PRR5: variants seen among roughly 807,000 people sequenced by gnomAD.
PRR5 encodes proline rich 5, also known as proline-rich protein 5.
A neutral mutation model predicts 30.6 loss-of-function variants in PRR5; 25 were observed. The observed-to-expected ratio is 0.82, with a 90% CI of 0.60 to 1.14. PRR5 has a LOEUF of 1.14. PRR5 is among the 50% of genes most tolerant of loss of function. PRR5 has a pLI of 0.00. For synonymous variants in PRR5, 286 were observed against 247.1 expected, an observed-to-expected ratio of 1.16 and a Z score of -1.48; for missense variants, 600 against 547.1, an observed-to-expected ratio of 1.10 and a Z score of -0.96.
chr22:44,693,118 T>C (rs1354560325), intron 1 of PRR5, among the ~76,000 whole-genome samples: 1 of 152,142 alleles, frequency 6.6e-6, no homozygotes, highest in African/African-American at 2.4e-5. Context: ...AACGTATTTG[T>C]GTCCTGGGCC....
upstream of PRR5, among the ~76,000 whole-genome samples, chr22:44,698,369 A>G (rs561142199): frequency 6.0e-5 from 9 of 149,142 alleles, no homozygotes; most frequent in Admixed American, 1.3e-4. Context: ...TCTGGAGCAG[A>G]GGTGGCTCTG....
At chr22:44,711,002 C>T (rs911046767) in intron 1 of PRR5, among the ~76,000 whole-genome samples, 3 of 150,184 alleles carry the variant, frequency 2.0e-5, no homozygotes, top group Non-Finnish European at 3.0e-5. Flanking sequence ...GGTGGTAACT[C>T]GGCCGAGTTA....
chr22:44,715,513 A>C (rs1569093583), intron 2 of PRR5, among the ~76,000 whole-genome samples: 1 of 152,068 alleles, frequency 6.6e-6, no homozygotes, highest in Non-Finnish European at 1.5e-5. Flanking sequence ...GGCCCAATAC[A>C]TGCCGCTTGT....
chr22:44,712,154 G>A (rs762010634), intron 1 of PRR5, among the ~76,000 whole-genome samples: 11 of 152,126 alleles, frequency 7.2e-5, no homozygotes, highest in Non-Finnish European at 1.3e-4. Context: ...GCGCTCTCAC[G>A]ATTCCTGATT....
At chr22:44,708,795 C>T (rs925000091) in intron 1 of PRR5, among the ~76,000 whole-genome samples, 1 of 151,684 alleles carries the variant, frequency 6.6e-6, no homozygotes, top group Admixed American at 6.6e-5. Flanking sequence ...GGTGAAACCC[C>T]GTCTCTACTA....
intron 2 of PRR5, among the ~76,000 whole-genome samples, chr22:44,721,496 C>T (rs1444952162): frequency 6.6e-6 from 1 of 152,170 alleles, no homozygotes; most frequent in Non-Finnish European, 1.5e-5. Flanking sequence ...GAAGACTTGG[C>T]CCAACCAATT....
intron 1 of PRR5, among the ~76,000 whole-genome samples, chr22:44,682,412 C>T (rs188912891): frequency 2.0e-5 from 3 of 152,318 alleles, no homozygotes; most frequent in East Asian, 1.9e-4. Context: ...CACCTTCCAC[C>T]GTGGCTGTCA....
intron 1 of PRR5, among the ~76,000 whole-genome samples, chr22:44,704,451 CAG>C (rs1601999380): frequency 6.6e-6 from 1 of 152,158 alleles, no homozygotes; most frequent in Admixed American, 6.5e-5. Context: ...AGGGAGGCCT[CAG>C]GGGGACTCTG....
intron 1 of PRR5, among the ~76,000 whole-genome samples, chr22:44,686,264 GA>G (rs147571474): frequency 0.24 from 35,969 of 151,458 alleles, 4,421 homozygotes; most frequent in South Asian, 0.33. Flanking sequence ...AAAAAGAAAA[GA>G]AAAAGAAGTT....
chr22:44,708,096 A>G (rs1927523515), intron 1 of PRR5, among the ~76,000 whole-genome samples: 1 of 152,062 alleles, frequency 6.6e-6, no homozygotes, highest in Non-Finnish European at 1.5e-5. Flanking sequence ...CTACTTTGGG[A>G]CGTTGAGGCA....
At chr22:44,731,896 G>T in intron 5 of PRR5, 75 bp downstream of exon 5, 1 of 1,463,992 alleles carries the variant, frequency 6.8e-7, no homozygotes, top group Non-Finnish European at 9.3e-7. Flanking sequence ...TACAGAGGGG[G>T]GCCGCCAGGC....
chr22:44,696,578 TG>T (rs1925764738), intron 1 of PRR5, among the ~76,000 whole-genome samples: 1 of 152,114 alleles, frequency 6.6e-6, no homozygotes, highest in African/African-American at 2.4e-5. Flanking sequence ...GCACGTGTCT[TG>T]GGTGCACAGA....
intron 2 of PRR5, among the ~76,000 whole-genome samples, chr22:44,724,958 C>T (rs184950947): frequency 2.0e-5 from 3 of 152,282 alleles, no homozygotes; most frequent in Non-Finnish European, 2.9e-5. Flanking sequence ...GTGTGAGACG[C>T]AGAGGCCACT....
At chr22:44,729,408 G>A in intron 4 of PRR5, 2 of 985,126 alleles carry the variant, frequency 2.0e-6, no homozygotes, top group Non-Finnish European at 2.4e-6. Context: ...AGCCAGCACG[G>A]AGCCAAGGCT....
chr22:44,717,189 CTTTTTTT>C (rs57193514), intron 2 of PRR5, among the ~76,000 whole-genome samples: 1 of 116,756 alleles, frequency 8.6e-6, no homozygotes, highest in Non-Finnish European at 1.7e-5. Context: ...CCCCCTTACC[CTTTTTTT>C]TTTTTTTTTT....
intron 1 of PRR5, among the ~76,000 whole-genome samples, chr22:44,689,164 A>T (rs1176542768): frequency 1.3e-5 from 2 of 152,084 alleles, no homozygotes; most frequent in Non-Finnish European, 2.9e-5. Flanking sequence ...CAGCTTCTTG[A>T]TCTTCATGTG....
At position 44,737,219 on chromosome 22, in the gene PRR5, G is replaced by A; in HGVS notation, c.1139G>A (p.Gly380Asp). ...GRGSGMSDLE[G>D]SGGRQSVV ...GGCTCTGGCATGTCCGACTTGGAGG[G>A]CTCTGGGGGCCGGCAGAGTGTCGTG... is the stretch of plus-strand genomic sequence containing the variant. The change falls in exon 8 of 8, where the codon GGC (glycine) becomes GAC (aspartate). Residue 380 changes from glycine (G) to aspartate (D), a missense_variant. Physicochemically the swap from Gly to Asp is moderately conservative, Grantham distance 94 (BLOSUM62 -1). Coordinates refer to ENST00000336985, the MANE Select transcript of PRR5 (RefSeq NM_181333.4). 6.2e-7 allele frequency: 1 copy of A among 1,605,702 alleles called. No individual in the cohort carries two copies.
At chr22:44,731,588 T>C in intron 4 of PRR5, 142 bp from the exon 5 acceptor site, 1 of 736,060 alleles carries the variant, frequency 1.4e-6, no homozygotes, top group Non-Finnish European at 2.4e-6. Flanking sequence ...GCTGTGGAGC[T>C]GGACATCGAC....
At chr22:44,679,742 C>A in intron 1 of PRR5, 1 of 1,404,754 alleles carries the variant, frequency 7.1e-7, no homozygotes, top group Non-Finnish European at 9.8e-7. Context: ...TAAGACTCAG[C>A]CTCCCCGCTC....
Sources: gnomAD v4.1 joint callset for allele counts (sites outside exome capture counted in the v4.1 genomes callset) on GRCh38, gnomAD v4.1.1 for gene constraint, MANE v1.5 for transcripts, NCBI Gene and HGNC (gene_info 2026-07-23, HGNC 2026-07-21) for gene names.